The following GABRG3 variants were observed in gnomAD, a reference collection of about 807,000 sequenced individuals.
GABRG3 encodes gamma-aminobutyric acid receptor subunit gamma-3.
Under a neutral mutation model 48.8 loss-of-function variants are expected in GABRG3, and 25 were observed. The observed-to-expected ratio is 0.51, with a 90% CI of 0.37 to 0.72. The LOEUF (loss-of-function observed/expected upper bound fraction) is 0.72. GABRG3 is among the 30% of genes least tolerant of loss of function. The pLI is 0.00. For missense variants in GABRG3, 394 were observed against 577.9 expected (o/e 0.68, Z 3.26); for synonymous variants, 227 against 217.6 (o/e 1.04, Z -0.38).
intron 3 of GABRG3, among the ~76,000 whole-genome samples, chr15:27,028,248 A>G (rs772988133): frequency 2.6e-5 from 4 of 152,116 alleles, no homozygotes; most frequent in Non-Finnish European, 5.9e-5. Context: ...AACTTGACGG[A>G]TAGGCAAGAG....
chr15:27,219,432 T>G (rs1595593705), intron 3 of GABRG3, among the ~76,000 whole-genome samples: 1 of 152,218 alleles, frequency 6.6e-6, no homozygotes, highest in East Asian at 1.9e-4. Flanking sequence ...GTTGTGGAAC[T>G]GAGTGAGACA....
chr15:27,522,602 G>A (rs3097503), intron 7 of GABRG3, among the ~76,000 whole-genome samples: 84,486 of 151,510 alleles, frequency 0.56, 23,694 homozygotes, highest in East Asian at 0.67. Context: ...AATGGGTGAA[G>A]TAATTCTAAA....
At chr15:27,163,933 G>A (rs1273715152) in intron 3 of GABRG3, among the ~76,000 whole-genome samples, 1 of 152,214 alleles carries the variant, frequency 6.6e-6, no homozygotes, top group African/African-American at 2.4e-5. Flanking sequence ...AGGGGTGCCA[G>A]TGTCGCTCAG....
intron 4 of GABRG3, among the ~76,000 whole-genome samples, chr15:27,327,322 C>G (rs1190308380): frequency 6.6e-6 from 1 of 152,194 alleles, no homozygotes; most frequent in Non-Finnish European, 1.5e-5. Context: ...TAGGAAAATA[C>G]AGATGTCTTG....
At chr15:27,418,240 G>A (rs1888002548) in intron 5 of GABRG3, among the ~76,000 whole-genome samples, 1 of 152,226 alleles carries the variant, frequency 6.6e-6, no homozygotes, top group Non-Finnish European at 1.5e-5. Flanking sequence ...TAGCAGCAGA[G>A]CTGGAAGATG....
intron 3 of GABRG3, among the ~76,000 whole-genome samples, chr15:27,300,524 A>T (rs1358965818): frequency 1.3e-5 from 2 of 151,812 alleles, no homozygotes; most frequent in African/African-American, 4.8e-5. Context: ...ATTAGTGCTG[A>T]TGCATGCCTG....
At chr15:27,106,848 C>G (rs1897458516) in intron 3 of GABRG3, among the ~76,000 whole-genome samples, 1 of 152,008 alleles carries the variant, frequency 6.6e-6, no homozygotes, top group South Asian at 2.1e-4. Context: ...TCAAAAACTG[C>G]CAACTACTAA....
chr15:27,386,926 G>A (rs1013964349), intron 5 of GABRG3, among the ~76,000 whole-genome samples: 6 of 152,204 alleles, frequency 3.9e-5, no homozygotes, highest in African/African-American at 9.7e-5. Flanking sequence ...TTGTCTATGT[G>A]TGTGTATCTG....
At chr15:27,086,957 C>A (rs1298045546) in intron 3 of GABRG3, among the ~76,000 whole-genome samples, 1 of 152,148 alleles carries the variant, frequency 6.6e-6, no homozygotes, top group Non-Finnish European at 1.5e-5. Context: ...CTCTGGGGAG[C>A]CCAGACTTCC....
chr15:27,265,921 C>A (rs1303504861), intron 3 of GABRG3, among the ~76,000 whole-genome samples: 2 of 115,460 alleles, frequency 1.7e-5, no homozygotes, highest in African/African-American at 8.0e-5. Context: ...GCTCTTGTTG[C>A]TTAGGCTGGA....
At chr15:27,210,894 C>T (rs535335724) in intron 3 of GABRG3, among the ~76,000 whole-genome samples, 1 of 152,206 alleles carries the variant, frequency 6.6e-6, no homozygotes, top group African/African-American at 2.4e-5. Flanking sequence ...TTCTCCATTT[C>T]CTCTCTACAT....
intron 3 of GABRG3, among the ~76,000 whole-genome samples, chr15:27,074,403 C>T (rs568713443): frequency 6.3e-4 from 96 of 152,034 alleles, no homozygotes; most frequent in African/African-American, 2.1e-3. Flanking sequence ...GACATGTGAC[C>T]GCTTCCTTCT....
intron 5 of GABRG3, among the ~76,000 whole-genome samples, chr15:27,412,798 C>A (rs887764145): frequency 6.6e-6 from 1 of 151,988 alleles, no homozygotes; most frequent in Non-Finnish European, 1.5e-5. Flanking sequence ...TAAATCATTT[C>A]TTTGAAGGAA....
chr15:27,366,428 C>T (rs1297271923), intron 5 of GABRG3: 1 of 152,190 alleles, frequency 6.6e-6, no homozygotes, highest in African/African-American at 2.4e-5. Context: ...CTGGTCTAAA[C>T]TTCACAGGGC....
intron 3 of GABRG3, among the ~76,000 whole-genome samples, chr15:27,214,305 A>C (rs1889168866): frequency 6.6e-6 from 1 of 152,214 alleles, no homozygotes; most frequent in Admixed American, 6.5e-5. Context: ...TTACTTAAGG[A>C]GATGGCCATG....
intron 3 of GABRG3, among the ~76,000 whole-genome samples, chr15:27,048,423 G>A (rs1017731975): frequency 2.0e-5 from 3 of 152,128 alleles, no homozygotes; most frequent in Admixed American, 6.5e-5. Context: ...TCTGGCCCCG[G>A]CAGCAGGAGC....
In GABRG3 at chr15:27,447,585, A is replaced by G. The variant is rs1888979873; in HGVS notation, c.575-33065A>G. Among the ~76,000 whole-genome samples, 1 of 152,102 alleles carries G rather than the reference A, an allele frequency of 6.6e-6. No homozygotes were observed. Among genetic ancestry groups the G allele is most frequent in the Non-Finnish European group, 1.5e-5 (1 of 68,022 alleles). On this transcript the variant is annotated intron_variant, in intron 5 of 9. Coordinates refer to ENST00000615808, the MANE Select transcript of GABRG3 (RefSeq NM_033223.5). The surrounding 1 kb of genome is among the most constrained non-coding windows in gnomAD (Gnocchi z 4.0). ...GGGCTGAGAGATGGGGACAGATTTG[A>G]CACAGACCTACACATGCTGATGATG... is the stretch of plus-strand genomic sequence containing the variant.
chr15:27,505,887 G>C (rs1173350668), intron 6 of GABRG3, among the ~76,000 whole-genome samples: 1 of 152,152 alleles, frequency 6.6e-6, no homozygotes, highest in Admixed American at 6.5e-5. Context: ...AGCCTTCTGT[G>C]ATTTGAATGG....
chr15:27,498,484 CT>C (rs1393580145), intron 6 of GABRG3, among the ~76,000 whole-genome samples: 4 of 151,888 alleles, frequency 2.6e-5, no homozygotes, highest in Non-Finnish European at 4.4e-5. Context: ...GTGGGTTCAT[CT>C]TTTTTTTAAA....
Sources: allele counts gnomAD v4.1 joint callset (sites outside exome capture counted in the v4.1 genomes callset), GRCh38; gene constraint gnomAD v4.1.1; non-coding constraint Gnocchi (gnomAD v3.1); transcripts MANE v1.5; gene names NCBI Gene and HGNC (gene_info 2026-07-23, HGNC 2026-07-21).